The following ZNF512B variants were observed in gnomAD, a reference collection of about 807,000 sequenced individuals.
ZNF512B encodes zinc finger protein 512B.
ZNF512B carries 22 observed loss-of-function variants against 87.8 expected under a neutral mutation model. The ratio of observed to expected loss-of-function variants is 0.25; its 90% confidence interval spans 0.18 to 0.36. The LOEUF (loss-of-function observed/expected upper bound fraction) is 0.36, where lower values mean the gene tolerates loss of function less well. Among genes scored for constraint, ZNF512B ranks in the 10% least tolerant of loss-of-function variants. ZNF512B has a pLI of 1.00. For missense variants in ZNF512B, 1,060 were observed against 1,231.6 expected, an observed-to-expected ratio of 0.86 and a Z score of 2.09; for synonymous variants, 524 against 490.9, an observed-to-expected ratio of 1.07 and a Z score of -0.89.
chr20:63,959,737 G>A lies in ZNF512B; in HGVS notation c.*151C>T. 8.1e-7 allele frequency: 1 copy of A among 1,241,132 alleles called. No homozygotes were observed. The highest frequency in any genetic ancestry group is 1.1e-6 in the Non-Finnish European group (1 of 923,880). 76.9% of individuals were successfully genotyped at this position (1,241,132 alleles called of 1,614,324 possible). A position where few individuals can be genotyped will look rare whatever the true frequency, so the allele number is the denominator to read the frequency against. ...CTTAACAGGGGAAGGGCCACCTTCAGGGAAGGGAGAGTGGCTGGCTGCCCC... is the reference window on the plus strand; with the variant it reads ...CTTAACAGGGGAAGGGCCACCTTCAAGGAAGGGAGAGTGGCTGGCTGCCCC... On this transcript the variant is annotated 3_prime_UTR_variant, in exon 17 of 17. Coordinates refer to ENST00000369888, the MANE Select transcript of ZNF512B (RefSeq NM_020713.3).
rs1344069766 is a variant in ZNF512B at position 63,957,034 on chromosome 20, G to T, written c.*2854C>A. On this transcript the variant is annotated 3_prime_UTR_variant, in exon 17 of 17. Transcript: ENST00000369888. ...GCCGCGAGGCAGGGGAAAGCCTGGG[G>T]CCCCAGACCCGGGCCTGGGGGAGCC... 1 of 152,446 alleles carries T rather than the reference G, an allele frequency of 6.6e-6. No individual in the cohort carries two copies. The highest frequency in any genetic ancestry group is 1.5e-5 in the Non-Finnish European group (1 of 68,040). 9.4% of individuals were successfully genotyped at this position (152,446 alleles called of 1,614,324 possible).
At chr20:63,968,811 C>T (rs1012983031) in intron 1 of ZNF512B, among the ~76,000 whole-genome samples, 8 of 152,258 alleles carry the variant, frequency 5.3e-5, no homozygotes, top group African/African-American at 1.2e-4. Flanking sequence ...CCAGAGAGAA[C>T]GCCCTGCTGC....
rs2058868400 is a variant in ZNF512B at position 63,962,761 on chromosome 20, G to T, written c.1989C>A (p.Asp663Glu). The change falls in exon 13 of 17, where the codon GAC becomes GAA. Residue 663 changes from aspartate (D) to glutamate (E), a missense_variant. Physicochemically the swap from Asp to Glu is conservative, Grantham distance 45. This residue lies in a region of ZNF512B where 165 missense variants were observed against 173.0 expected (regional missense o/e 0.95). Transcript: ENST00000369888. ...HTAPPPEEPT[D>E]KSPEAEDPLG... ...GCGGGTCCTCAGCCTCAGGGGACTTGTCTGTGGGCTCCTCAGGGGGCTGGA... is the reference window on the plus strand; with the variant it reads ...GCGGGTCCTCAGCCTCAGGGGACTTTTCTGTGGGCTCCTCAGGGGGCTGGA... 9 of 1,600,828 alleles carry T rather than the reference G, an allele frequency of 5.6e-6. No individual in the cohort carries two copies. Among genetic ancestry groups the T allele is most frequent in the Non-Finnish European group, 7.7e-6 (9 of 1,173,832 alleles).
rs2058724680 is a variant in ZNF512B at position 63,956,884 on chromosome 20, A to G, written c.*3004T>C. Reference sequence around the variant, plus strand: ...CATCTCGCAAATAAACACTTTGTAGATAGAATATATATGTATATATATATG... The same window carrying G: ...CATCTCGCAAATAAACACTTTGTAGGTAGAATATATATGTATATATATATG... On this transcript the variant is annotated 3_prime_UTR_variant, in exon 17 of 17. Coordinates refer to ENST00000369888, the MANE Select transcript of ZNF512B (RefSeq NM_020713.3). 1 of 152,670 alleles carries G rather than the reference A, an allele frequency of 6.6e-6. No homozygotes were observed. Among genetic ancestry groups the G allele is most frequent in the African/African-American group, 2.4e-5 (1 of 41,464 alleles). The allele number at this position is 152,670 out of a possible 1,614,324, so 9.5% of individuals were successfully genotyped here. A position where few individuals can be genotyped will look rare whatever the true frequency, so the allele number is the denominator to read the frequency against.
In ZNF512B at chr20:63,967,021, G is replaced by A; in HGVS notation, c.265-17C>T. ...CAGGGAGAGCTAGGCGTGGGGAAAG[G>A]TGGTGCTGCTGACCCGCAGCCACCT... On this transcript the variant is annotated splice_polypyrimidine_tract_variant and intron_variant, in intron 3 of 16. Transcript: ENST00000369888. 2 of 1,612,778 alleles carry A rather than the reference G, an allele frequency of 1.2e-6. No homozygotes were observed. The highest frequency in any genetic ancestry group is 1.7e-6 in the Non-Finnish European group (2 of 1,179,946).
rs1297384434 is a variant in ZNF512B, at chr20:63,966,493, T to C, written c.682A>G (p.Ile228Val). 2 of 1,613,852 alleles carry C rather than the reference T, an allele frequency of 1.2e-6. No individual in the cohort carries two copies. The highest frequency in any genetic ancestry group is 1.7e-6 in the Non-Finnish European group (2 of 1,180,024). The change falls in exon 5 of 17, where the codon ATC becomes GTC. Residue 228 changes from isoleucine to valine, a missense_variant. Ile to Val is a conservative substitution (Grantham distance 29). Around this residue, in one of 9 missense-constraint regions of ZNF512B, gnomAD observed 201 missense variants for 226.8 expected, o/e 0.89. Coordinates refer to ENST00000369888, the MANE Select transcript of ZNF512B (RefSeq NM_020713.3). ...VGRPMPVTKA[I>V]PVTRPVPVTK... ...ACTGGCACGGGCCTAGTGACCGGGA[T>C]GGCCTTGGTGACTGGCATGGGTCTG...
In ZNF512B at chr20:63,958,455, C is replaced by G. The variant is rs1369414293; in HGVS notation, c.*1433G>C. On this transcript the variant is annotated 3_prime_UTR_variant, in exon 17 of 17. Transcript: ENST00000369888. Reference sequence around the variant, plus strand: ...ACTGGCATCCACTACACCCAGGAGACACACGCACACGGGCAAACATCAAAA... The same window carrying G: ...ACTGGCATCCACTACACCCAGGAGAGACACGCACACGGGCAAACATCAAAA... The G allele has an allele frequency of 6.6e-6, 1 of 152,436 alleles. No homozygotes were observed. Among genetic ancestry groups the G allele is most frequent in the African/African-American group, 2.4e-5 (1 of 41,452 alleles). 9.4% of individuals were successfully genotyped at this position (152,436 alleles called of 1,614,324 possible). A position where few individuals can be genotyped will look rare whatever the true frequency, so the allele number is the denominator to read the frequency against.
chr20:63,967,593 C>T, intron 2 of ZNF512B, 70 bp from the exon 3 acceptor site: 1 of 1,519,718 alleles, frequency 6.6e-7, no homozygotes, highest in Non-Finnish European at 8.8e-7. Context: ...TGCACAGGCC[C>T]ACAGTGAGCA....
intron 1 of ZNF512B, among the ~76,000 whole-genome samples, chr20:63,969,374 AGAGGGGGCTCCGCCGCGCTGCGCGCAG>A (rs2058957789): frequency 6.6e-6 from 1 of 151,782 alleles, no homozygotes; most frequent in African/African-American, 2.4e-5. Context: ...CCTCGCGGGG[AGAGGGGGCTCCGCCGCGCTGCGCGCAG>A]GAGACGCCAG....
At position 63,959,733 on chromosome 20, in the gene ZNF512B, T is replaced by C; in HGVS notation, c.*155A>G. On this transcript the variant is annotated 3_prime_UTR_variant, in exon 17 of 17. Coordinates refer to ENST00000369888, the MANE Select transcript of ZNF512B (RefSeq NM_020713.3). Reference sequence around the variant, plus strand: ...CAGCCTTAACAGGGGAAGGGCCACCTTCAGGGAAGGGAGAGTGGCTGGCTG... The same window carrying C: ...CAGCCTTAACAGGGGAAGGGCCACCCTCAGGGAAGGGAGAGTGGCTGGCTG... 1 of 1,221,014 alleles carries C rather than the reference T, an allele frequency of 8.2e-7. No homozygotes were observed. Among genetic ancestry groups the C allele is most frequent in the Non-Finnish European group, 1.1e-6 (1 of 907,270 alleles). The allele number at this position is 1,221,014 out of a possible 1,614,324, so 75.6% of individuals were successfully genotyped here.
Position 63,961,219 on chromosome 20 carries a change from G to C in ZNF512B, c.2427+90C>G. 1 of 1,208,026 alleles carries C rather than the reference G, an allele frequency of 8.3e-7. No homozygotes were observed. The highest frequency in any genetic ancestry group is 1.2e-5 in the South Asian group (1 of 81,006). 74.8% of individuals were successfully genotyped at this position (1,208,026 alleles called of 1,614,324 possible). ...CCAGGCACACCCCATGCAGGCCACTGACCTCTCTACCCCCAAGGGGTGCCC... is the reference window on the plus strand; with the variant it reads ...CCAGGCACACCCCATGCAGGCCACTCACCTCTCTACCCCCAAGGGGTGCCC... On this transcript the variant is annotated intron_variant, in intron 16 of 16. Transcript: ENST00000369888. The surrounding 1 kb of genome is among the most constrained non-coding windows in gnomAD (Gnocchi z 6.4).
intron 1 of ZNF512B, among the ~76,000 whole-genome samples, chr20:63,968,521 G>A (rs2058950466): frequency 6.6e-6 from 1 of 152,190 alleles, no homozygotes; most frequent in Non-Finnish European, 1.5e-5. Context: ...AGCCTACCCA[G>A]GCAGGTACCC....
chr20:63,962,369 G>T lies in ZNF512B; in HGVS notation c.2169C>A (p.Asn723Lys). 6.2e-7 allele frequency: 1 copy of T among 1,611,466 alleles called. No individual in the cohort carries two copies. The highest frequency in any genetic ancestry group is 8.5e-7 in the Non-Finnish European group (1 of 1,179,478). ...GCGTGGGGAGCCCTGGTCGAGTGTA[G>T]TTGAGCTGTGAATTCGACAGCACCA... Reference protein sequence around the residue: ...DDLVPETARLNYTRPGLPTLN... With the variant: ...DDLVPETARLKYTRPGLPTLN... Residue 723 changes from asparagine (N) to lysine (K), a missense_variant, in exon 14 of 17, where the codon AAC becomes AAA. Physicochemically the swap from Asn to Lys is moderately conservative, Grantham distance 94. This residue lies in a region of ZNF512B where 253 missense variants were observed against 259.2 expected (regional missense o/e 0.98). Coordinates refer to ENST00000369888, the MANE Select transcript of ZNF512B (RefSeq NM_020713.3).
chr20:63,966,100 C>G, intron 5 of ZNF512B, 41 bp downstream of exon 5: 1 of 654,260 alleles, frequency 1.5e-6, no homozygotes, highest in Non-Finnish European at 2.2e-6. Context: ...CATACCTTTT[C>G]TTACCACTGT....
chr20:63,967,541 G>C lies in ZNF512B; in HGVS notation c.122-18C>G, dbSNP rs1013721302. 1.3e-6 allele frequency: 2 copies of C among 1,578,038 alleles called. No homozygotes were observed. ...CGGCATCCCTGCAGCACACAACACA[G>C]CAAGGCTCGGAAGCTGTGTAGCACC... On this transcript the variant is annotated intron_variant, in intron 2 of 16. Coordinates refer to ENST00000369888, the MANE Select transcript of ZNF512B (RefSeq NM_020713.3).
chr20:63,969,699 C>CG (rs1324811322), intron 1 of ZNF512B, 115 bp downstream of exon 1: 1 of 38,620 alleles, frequency 2.6e-5, no homozygotes, highest in Admixed American at 2.2e-4. Context: ...CGGCGGGGGG[C>CG]GGGGGGGCTC....
At chr20:63,962,105 A>G (rs2058859162) in intron 14 of ZNF512B, 101 bp from the exon 15 acceptor site, 1 of 1,408,994 alleles carries the variant, frequency 7.1e-7, no homozygotes, top group African/African-American at 1.4e-5. Flanking sequence ...CTTTGGGGCA[A>G]GTGAGGGGGT....
intron 1 of ZNF512B, among the ~76,000 whole-genome samples, chr20:63,968,609 A>G (rs1231850809): frequency 6.6e-6 from 1 of 152,192 alleles, no homozygotes; most frequent in African/African-American, 2.4e-5. Context: ...CTGGCACTGC[A>G]CCAAGCTCCC....
Position 63,961,508 on chromosome 20 carries a change from G to A in ZNF512B, c.2329-101C>T. On this transcript the variant is annotated intron_variant, in intron 15 of 16. Coordinates refer to ENST00000369888, the MANE Select transcript of ZNF512B (RefSeq NM_020713.3). The surrounding 1 kb of genome is among the most constrained non-coding windows in gnomAD (Gnocchi z 6.4). ...AGGGTCAGAGTCAGCGGTGGCCCAA[G>A]GAAAGCTGTGGCTGTCTGTGCCAGA... is the stretch of plus-strand genomic sequence containing the variant. The A allele has an allele frequency of 8.9e-7, 1 of 1,118,200 alleles. No individual in the cohort carries two copies. The allele number at this position is 1,118,200 out of a possible 1,614,324, so 69.3% of individuals were successfully genotyped here. A position where few individuals can be genotyped will look rare whatever the true frequency, so the allele number is the denominator to read the frequency against.
Sources: allele counts gnomAD v4.1 joint callset (sites outside exome capture counted in the v4.1 genomes callset), GRCh38; gene constraint gnomAD v4.1.1; regional missense constraint gnomAD v4.1.1; non-coding constraint Gnocchi (gnomAD v3.1); transcripts MANE v1.5; gene names NCBI Gene and HGNC (gene_info 2026-07-23, HGNC 2026-07-21).